Variants in UBE2E1 observed in about 807,000 individuals in gnomAD.
UBE2E1 encodes ubiquitin conjugating enzyme E2 E1.
In UBE2E1, 6 loss-of-function variants were observed where a neutral mutation model predicts 21.4. The ratio of observed to expected loss-of-function variants is 0.28; its 90% CI spans 0.15 to 0.55. The LOEUF is 0.55. Among genes scored for constraint, UBE2E1 ranks in the 20% least tolerant of loss-of-function variants. The pLI is 0.93. For synonymous variants in UBE2E1, 87 were observed against 82.7 expected (o/e 1.05, Z -0.28); for missense variants, 142 against 236.5 (o/e 0.60, Z 2.62).
In UBE2E1 at chr3:23,863,044, CTTTG is replaced by C. The variant is rs1700587199; in HGVS notation, c.204-24516_204-24513del. Among the ~76,000 whole-genome samples the C allele has an allele frequency of 9.3e-6, 1 of 107,580 alleles. No individual in the cohort carries two copies. The highest frequency in any genetic ancestry group is 4.0e-5 in the African/African-American group (1 of 25,060). 70.6% of individuals were successfully genotyped at this position (107,580 alleles called of 152,430 possible). Reference sequence around the variant, plus strand: ...ACATAGTTTAAAGGCTTTAATATTTCTTTGTTTGTTAAAAAAAAAAAAAAAAACT... The same window carrying C: ...ACATAGTTTAAAGGCTTTAATATTTCTTTGTTAAAAAAAAAAAAAAAAACT... On this transcript the variant is annotated intron_variant, in intron 3 of 5. Coordinates refer to ENST00000306627, the MANE Select transcript of UBE2E1 (RefSeq NM_003341.5). The surrounding 1 kb of genome is among the most constrained non-coding windows in gnomAD (Gnocchi z 4.3).
chr3:23,823,633 T>C lies in UBE2E1; in HGVS notation c.203+12123T>C, dbSNP rs1370258751. On this transcript the variant is annotated intron_variant, in intron 3 of 5. Coordinates refer to ENST00000306627, the MANE Select transcript of UBE2E1 (RefSeq NM_003341.5). The surrounding 1 kb of genome is among the most constrained non-coding windows in gnomAD (Gnocchi z 4.2). ...ATTTATCCTAAATAAAAGGAGATTGTTGACTTTGCAGAGAAAAAGACCCTA... is the reference window on the plus strand; with the variant it reads ...ATTTATCCTAAATAAAAGGAGATTGCTGACTTTGCAGAGAAAAAGACCCTA... Among the ~76,000 whole-genome samples, 1 of 152,232 alleles carries C rather than the reference T, an allele frequency of 6.6e-6. No homozygotes were observed. The highest frequency in any genetic ancestry group is 1.5e-5 in the Non-Finnish European group (1 of 68,042).
Position 23,816,851 on chromosome 3 carries a change from G to C in UBE2E1, c.203+5341G>C, listed in dbSNP as rs1699529520. ...GTTTTCAGGGACTGAGGGGAGGGGA[G>C]AATGGGGAGTTATTTCTTAATGAAT... On this transcript the variant is annotated intron_variant, in intron 3 of 5. Transcript: ENST00000306627. The surrounding 1 kb of genome is among the most constrained non-coding windows in gnomAD (Gnocchi z 4.8). 6.6e-6 allele frequency among the ~76,000 whole-genome samples: 1 copy of C among 152,214 alleles called. No homozygotes were observed. The highest frequency in any genetic ancestry group is 1.5e-5 in the Non-Finnish European group (1 of 68,040).
intron 3 of UBE2E1, among the ~76,000 whole-genome samples, chr3:23,868,905 T>C (rs1309310834): frequency 6.6e-6 from 1 of 152,220 alleles, no homozygotes. Flanking sequence ...GCTTAGTATG[T>C]ATACCTCATT....
intron 3 of UBE2E1, among the ~76,000 whole-genome samples, chr3:23,829,197 GT>G (rs1699816337): frequency 1.4e-5 from 2 of 141,630 alleles, no homozygotes; most frequent in Admixed American, 7.2e-5. Flanking sequence ...GCCTCGCTTT[GT>G]TGCCTAGGCT....
At chr3:23,865,297 A>C (rs1700632985) in intron 3 of UBE2E1, among the ~76,000 whole-genome samples, 1 of 152,196 alleles carries the variant, frequency 6.6e-6, no homozygotes, top group Admixed American at 6.5e-5. Flanking sequence ...TAGGTAGTTT[A>C]TGTCATAGGA....
chr3:23,826,012 C>T (rs1372382664), intron 3 of UBE2E1, among the ~76,000 whole-genome samples: 1 of 152,012 alleles, frequency 6.6e-6, no homozygotes, highest in Admixed American at 6.6e-5. Context: ...TGTGAGTGGC[C>T]ACTGTGCTCC....
chr3:23,880,412 T>A (rs528420154), intron 3 of UBE2E1, among the ~76,000 whole-genome samples: 45 of 151,808 alleles, frequency 3.0e-4, no homozygotes, highest in African/African-American at 1.0e-3. Context: ...TAAAATTTTT[T>A]AAAAATTAGC....
chr3:23,870,392 G>T lies in UBE2E1; in HGVS notation c.204-17175G>T, dbSNP rs544764090. The stretch of plus-strand genomic sequence containing the variant: ...GAATTAGACTCTGCCTCTTTGAGCA[G>T]TTTCAAACAATCTGTGGACGGTGTT... On this transcript the variant is annotated intron_variant, in intron 3 of 5. Transcript: ENST00000306627. The surrounding 1 kb of genome is among the most constrained non-coding windows in gnomAD (Gnocchi z 4.2). Among the ~76,000 whole-genome samples the T allele has an allele frequency of 1.4e-4, 22 of 152,340 alleles. No homozygotes were observed. The South Asian group carries it at 4.3e-3, about 30-fold the overall frequency.
At chr3:23,851,955 C>T (rs868660405) in intron 3 of UBE2E1, among the ~76,000 whole-genome samples, 19 of 152,142 alleles carry the variant, frequency 1.2e-4, no homozygotes, top group South Asian at 2.1e-4. Context: ...GCTGCTCTCA[C>T]GGTAATGAGT....
Position 23,887,772 on chromosome 3 carries a change from TA to T in UBE2E1, c.336+75del. 1 of 1,519,350 alleles carries T rather than the reference TA, an allele frequency of 6.6e-7. No individual in the cohort carries two copies. The highest frequency in any genetic ancestry group is 1.4e-5 in the African/African-American group (1 of 71,596). 94.1% of individuals were successfully genotyped at this position (1,519,350 alleles called of 1,614,324 possible). A position where few individuals can be genotyped will look rare whatever the true frequency, so the allele number is the denominator to read the frequency against. On this transcript the variant is annotated intron_variant, in intron 4 of 5. Coordinates refer to ENST00000306627, the MANE Select transcript of UBE2E1 (RefSeq NM_003341.5). This position sits in a 1 kb window ranked among gnomAD's most constrained non-coding sequence, Gnocchi z 4.4. ...GCAACTGTTGAGGTTTTTCTAAATTTAATTTTTAATCACAGAAACTAGATTT... is the reference window on the plus strand; with the variant it reads ...GCAACTGTTGAGGTTTTTCTAAATTTATTTTTAATCACAGAAACTAGATTT...
intron 3 of UBE2E1, among the ~76,000 whole-genome samples, chr3:23,837,194 A>C (rs546232219): frequency 1.3e-5 from 2 of 152,348 alleles, no homozygotes; most frequent in South Asian, 4.1e-4. Flanking sequence ...CACTAACACT[A>C]ACAAAAAAGT....
At chr3:23,844,445 A>T (rs1176214152) in intron 3 of UBE2E1, among the ~76,000 whole-genome samples, 2 of 152,144 alleles carry the variant, frequency 1.3e-5, no homozygotes, top group African/African-American at 4.8e-5. Flanking sequence ...ATAGTATTCC[A>T]AGGGGTATAC....
At position 23,876,718 on chromosome 3, in the gene UBE2E1, A is replaced by G. The variant is rs1402609390; in HGVS notation, c.204-10849A>G. ...TTATTACTGCAAAGAGTTGTAGACAAGGGAGGAGGGAGCTAAATAATATTA... is the reference window on the plus strand; with the variant it reads ...TTATTACTGCAAAGAGTTGTAGACAGGGGAGGAGGGAGCTAAATAATATTA... On this transcript the variant is annotated intron_variant, in intron 3 of 5. Transcript: ENST00000306627. This position sits in a 1 kb window ranked among gnomAD's most constrained non-coding sequence, Gnocchi z 4.3. Among the ~76,000 whole-genome samples, 1 of 152,126 alleles carries G rather than the reference A, an allele frequency of 6.6e-6. No individual in the cohort carries two copies. The highest frequency in any genetic ancestry group is 6.6e-5 in the Admixed American group (1 of 15,258).
At chr3:23,888,561 T>C (rs1029340969) in intron 4 of UBE2E1, among the ~76,000 whole-genome samples, 4 of 152,210 alleles carry the variant, frequency 2.6e-5, no homozygotes, top group Non-Finnish European at 4.4e-5. Flanking sequence ...CACTCGATTA[T>C]ATAATAGTAA....
intron 3 of UBE2E1, among the ~76,000 whole-genome samples, chr3:23,855,984 TGG>T (rs1700426816): frequency 6.6e-6 from 1 of 152,198 alleles, no homozygotes; most frequent in Admixed American, 6.6e-5. Flanking sequence ...AGGACTGAAC[TGG>T]AATTTGCATG....
chr3:23,858,197 G>A (rs1440596686), intron 3 of UBE2E1, among the ~76,000 whole-genome samples: 1 of 152,200 alleles, frequency 6.6e-6, no homozygotes, highest in East Asian at 1.9e-4. Context: ...TTTCAATGCA[G>A]AGGGCAGACA....
intron 3 of UBE2E1, among the ~76,000 whole-genome samples, chr3:23,862,965 A>G (rs1700585684): frequency 1.3e-5 from 2 of 152,006 alleles, no homozygotes; most frequent in South Asian, 4.2e-4. Context: ...ACCTCAAGCA[A>G]TCCTCCCACC....
chr3:23,825,741 A>G (rs533619469), intron 3 of UBE2E1, among the ~76,000 whole-genome samples: 3 of 152,274 alleles, frequency 2.0e-5, no homozygotes, highest in African/African-American at 7.2e-5. Flanking sequence ...GACATAGTGA[A>G]TGAGGGTGAG....
At position 23,845,561 on chromosome 3, in the gene UBE2E1, TTC is replaced by T. The variant is rs144798695; in HGVS notation, c.203+34079_203+34080del. Among the ~76,000 whole-genome samples, 551 of 136,870 alleles carry T rather than the reference TTC, an allele frequency of 4.0e-3. 4 individuals carry two copies. The highest frequency in any genetic ancestry group is 8.1e-3 in the African/African-American group (295 of 36,224). The allele number at this position is 136,870 out of a possible 152,430, so 89.8% of individuals were successfully genotyped here. ...TTGTCCATCTCCCCACTGTTTTGGT[TTC>T]TCTCTCTCTCTCTCTCTCTCTCTCT... is the stretch of plus-strand genomic sequence containing the variant. On this transcript the variant is annotated intron_variant, in intron 3 of 5. Coordinates refer to ENST00000306627, the MANE Select transcript of UBE2E1 (RefSeq NM_003341.5).
Sources: allele counts gnomAD v4.1 joint callset (sites outside exome capture counted in the v4.1 genomes callset), GRCh38; gene constraint gnomAD v4.1.1; non-coding constraint Gnocchi (gnomAD v3.1); transcripts MANE v1.5; gene names NCBI Gene and HGNC (gene_info 2026-07-23, HGNC 2026-07-21).